GAL3ST3: variants seen among roughly 807,000 people sequenced by gnomAD.
The protein encoded by GAL3ST3 is galactose-3-O-sulfotransferase 3, also known as beta-galactose-3-O-sulfotransferase 3.
Under a neutral mutation model 20.8 loss-of-function variants are expected in GAL3ST3, and 21 were observed. The observed-to-expected ratio is 1.01, with a 90% CI of 0.72 to 1.45. The LOEUF is 1.45. GAL3ST3 is among the 40% of genes most tolerant of loss of function. The probability of loss-of-function intolerance (pLI) is 0.00; values close to 1 mark genes in which losing one functional copy is unlikely to be tolerated. For missense variants in GAL3ST3, 739 were observed against 662.7 expected, an observed-to-expected ratio of 1.12 and a Z score of -1.26; for synonymous variants, 355 against 307.2, an observed-to-expected ratio of 1.16 and a Z score of -1.63.
rs1484204998 is a variant in GAL3ST3, at chr11:66,042,776, G to A, written c.1027C>T (p.Arg343Trp). ...TTGGTGCGGATCTGCGCGGCAGGCCGCAGCAGTGGCTCGTCCCCGAAGCAG... is the reference window on the plus strand; with the variant it reads ...TTGGTGCGGATCTGCGCGGCAGGCCACAGCAGTGGCTCGTCCCCGAAGCAG... Reference protein sequence around the residue: ...RRCFGDEPLLRPAAQIRTKQL... With the variant: ...RRCFGDEPLLWPAAQIRTKQL... The change falls in exon 3 of 3, where the codon CGG becomes TGG. Residue 343 changes from arginine (R) to tryptophan (W), a missense_variant. Coordinates refer to ENST00000312006, the MANE Select transcript of GAL3ST3 (RefSeq NM_033036.3). 2 of 1,505,688 alleles carry A rather than the reference G, an allele frequency of 1.3e-6. No homozygotes were observed. The highest frequency in any genetic ancestry group is 2.6e-5 in the East Asian group (1 of 38,778). The allele number at this position is 1,505,688 out of a possible 1,614,324, so 93.3% of individuals were successfully genotyped here.
rs752781596 is a variant in GAL3ST3 at position 66,043,130 on chromosome 11, C to G, written c.673G>C (p.Ala225Pro). ...TCCTCCACCTGGCGGATGAGGCCCG[C>G]CAGGTAGGCGGCGTCGTCGCGCGGG... ...RSPRDDAAYLAGLIRQVEEVF... is the reference protein window; with the variant it reads ...RSPRDDAAYLPGLIRQVEEVF... Residue 225 changes from alanine (A) to proline (P), a missense_variant, in exon 3 of 3, where the codon GCG becomes CCG. Ala to Pro is a conservative substitution (Grantham distance 27). Coordinates refer to ENST00000312006, the MANE Select transcript of GAL3ST3 (RefSeq NM_033036.3). The G allele has an allele frequency of 1.2e-6, 2 of 1,611,766 alleles. No homozygotes were observed. The highest frequency in any genetic ancestry group is 3.3e-5 in the Admixed American group (2 of 59,952).
chr11:66,045,591 T>C, intron 1 of GAL3ST3, 64 bp from the exon 2 acceptor site: 1 of 582,108 alleles, frequency 1.7e-6, no homozygotes, highest in Non-Finnish European at 2.7e-6. Flanking sequence ...CCCCAGCAGG[T>C]CTGATGCAAA....
rs1438912508 is a variant in GAL3ST3 at position 66,045,272 on chromosome 11, T to C, written c.125+19A>G. ...ATGGGGAGGGGAGCTCCGGCCCCCC[T>C]GGGGCCCCGCCCCCTTACCAGCTGA... On this transcript the variant is annotated intron_variant, in intron 2 of 2. Coordinates refer to ENST00000312006, the MANE Select transcript of GAL3ST3 (RefSeq NM_033036.3). The C allele has an allele frequency of 4.0e-6, 6 of 1,515,920 alleles. No homozygotes were observed. The highest frequency in any genetic ancestry group is 5.3e-6 in the Non-Finnish European group (6 of 1,130,414). 93.9% of individuals were successfully genotyped at this position (1,515,920 alleles called of 1,614,324 possible). A position where few individuals can be genotyped will look rare whatever the true frequency, so the allele number is the denominator to read the frequency against.
Position 66,043,077 on chromosome 11 carries a change from CTCGGCGA to C in GAL3ST3, c.719_725del (p.Ile240SerfsTer7). 1 of 1,611,888 alleles carries C rather than the reference CTCGGCGA, an allele frequency of 6.2e-7. No individual in the cohort carries two copies. The highest frequency in any genetic ancestry group is 8.5e-7 in the Non-Finnish European group (1 of 1,179,396). The stretch of plus-strand genomic sequence containing the variant: ...GCAGCACTAGCGACTCGTCGAAGTA[CTCGGCGA>C]TCATGACGAGCGAGAAAACCTCCTC... On this transcript the variant is annotated frameshift_variant, in exon 3 of 3. Coordinates refer to ENST00000312006, the MANE Select transcript of GAL3ST3 (RefSeq NM_033036.3). LOFTEE classifies it high-confidence loss of function.
rs1856712393 is a variant in GAL3ST3, at chr11:66,042,249, T to C, written c.*258A>G. Reference sequence around the variant, plus strand: ...CAGTTCTGGACAGCCCTCAGGCCTCTTGTCAAAATCACCAACCAGCTGGGA... The same window carrying C: ...CAGTTCTGGACAGCCCTCAGGCCTCCTGTCAAAATCACCAACCAGCTGGGA... On this transcript the variant is annotated 3_prime_UTR_variant, in exon 3 of 3. Transcript: ENST00000312006. The C allele has an allele frequency of 2.2e-6, 1 of 457,132 alleles. No homozygotes were observed. Among genetic ancestry groups the C allele is most frequent in the African/African-American group, 2.1e-5 (1 of 48,482 alleles). The allele number at this position is 457,132 out of a possible 1,614,324, so 28.3% of individuals were successfully genotyped here. A position where few individuals can be genotyped will look rare whatever the true frequency, so the allele number is the denominator to read the frequency against.
At chr11:66,044,323 G>C (rs757448385) in intron 2 of GAL3ST3, among the ~76,000 whole-genome samples, 27 of 152,178 alleles carry the variant, frequency 1.8e-4, no homozygotes, top group Non-Finnish European at 3.7e-4. Flanking sequence ...TGTGTTTTCA[G>C]CTGCTAAGCT....
Position 66,042,593 on chromosome 11 carries a change from C to T in GAL3ST3, c.1210G>A (p.Gly404Ser), listed in dbSNP as rs756451940. The T allele has an allele frequency of 2.2e-4, 339 of 1,535,834 alleles. No individual in the cohort carries two copies. The highest frequency in any genetic ancestry group is 2.7e-4 in the Non-Finnish European group (308 of 1,147,142). ...YLLRKQKRRGGARARPEPVLD... is the reference protein window; with the variant it reads ...YLLRKQKRRGSARARPEPVLD... ...ACGGGCTCGGGCCGAGCCCGCGCAC[C>T]GCCCCGGCGCTTCTGCTTGCGCAAC... The change falls in exon 3 of 3, where the codon GGT becomes AGT. Residue 404 changes from glycine (G) to serine (S), a missense_variant. By Grantham distance (56) the Gly-to-Ser change is moderately conservative. Transcript: ENST00000312006.
At position 66,043,009 on chromosome 11, in the gene GAL3ST3, G is replaced by T; in HGVS notation, c.794C>A (p.Ala265Asp). ...LAWDLDDVLY[A>D]KLNARAASSR... ...GCTGGCGGCGCGCGCGTTGAGCTTG[G>T]CGTAGAGCACGTCGTCCAGGTCCCA... Residue 265 changes from alanine to aspartate, a missense_variant, in exon 3 of 3, where the codon GCC becomes GAC. Physicochemically the swap from Ala to Asp is moderately radical, Grantham distance 126. Transcript: ENST00000312006. 1.9e-6 allele frequency: 3 copies of T among 1,607,896 alleles called. No individual in the cohort carries two copies. The South Asian group carries it at 3.3e-5, about 18-fold the overall frequency.
rs755372065 is a variant in GAL3ST3, at chr11:66,043,436, G to A, written c.367C>T (p.Pro123Ser). ...CGCAGGTGGCTGGCCAGCACGTGCGGCGGCCGCGTGGCCGGGTGCACGAAG... is the reference window on the plus strand; with the variant it reads ...CGCAGGTGGCTGGCCAGCACGTGCGACGGCCGCGTGGCCGGGTGCACGAAG... ...AHFVHPATRP[P>S]HVLASHLRFD... Residue 123 changes from proline to serine, a missense_variant, in exon 3 of 3, where the codon CCG becomes TCG. Physicochemically the swap from Pro to Ser is moderately conservative, Grantham distance 74 (BLOSUM62 -1). Transcript: ENST00000312006. 6.2e-7 allele frequency: 1 copy of A among 1,608,974 alleles called. No homozygotes were observed. Among genetic ancestry groups the A allele is most frequent in the South Asian group, 1.1e-5 (1 of 90,798 alleles).
chr11:66,045,553 G>A, intron 1 of GAL3ST3, 26 bp from the exon 2 acceptor site: 1 of 931,150 alleles, frequency 1.1e-6, no homozygotes, highest in Non-Finnish European at 1.5e-6. Flanking sequence ...AGACGGGTTT[G>A]CAGTGGGCAG....
At chr11:66,043,807 GGGC>G in intron 2 of GAL3ST3, 130 bp from the exon 3 acceptor site, 1 of 782,864 alleles carries the variant, frequency 1.3e-6, no homozygotes, top group East Asian at 2.7e-5. Flanking sequence ...GAAAGGTCGA[GGGC>G]GGTGCTTGGT....
Position 66,043,466 on chromosome 11 carries a change from C to CG in GAL3ST3, c.336_337insC (p.Ala113ArgfsTer102). The CG allele has an allele frequency of 6.2e-7, 1 of 1,610,030 alleles. No individual in the cohort carries two copies. Among genetic ancestry groups the CG allele is most frequent in the East Asian group, 2.2e-5 (1 of 44,786 alleles). On this transcript the variant is annotated frameshift_variant, in exon 3 of 3. Transcript: ENST00000312006. LOFTEE classifies it high-confidence loss of function. ...CGCGTGGCCGGGTGCACGAAGTGCGCCGAGAAGTTGCGGGGGTAGCAGAAC... is the reference window on the plus strand; with the variant it reads ...CGCGTGGCCGGGTGCACGAAGTGCGCGCGAGAAGTTGCGGGGGTAGCAGAAC...
At chr11:66,047,008 C>T (rs957760934) in intron 1 of GAL3ST3, among the ~76,000 whole-genome samples, 10 of 152,208 alleles carry the variant, frequency 6.6e-5, no homozygotes, top group African/African-American at 2.4e-4. Context: ...GCCTCCCCTT[C>T]TCTCTAGGCC....
chr11:66,042,774 C>T lies in GAL3ST3; in HGVS notation c.1029G>A (p.Arg343=), dbSNP rs1200341215. 1 of 1,508,412 alleles carries T rather than the reference C, an allele frequency of 6.6e-7. No homozygotes were observed. Among genetic ancestry groups the T allele is most frequent in the Non-Finnish European group, 8.8e-7 (1 of 1,136,808 alleles). The allele number at this position is 1,508,412 out of a possible 1,614,324, so 93.4% of individuals were successfully genotyped here. Residue 343 remains arginine (R), a synonymous_variant, in exon 3 of 3, where the codon CGG becomes CGA. Transcript: ENST00000312006. ...RRCFGDEPLL[R]PAAQIRTKQL... ...GCTTGGTGCGGATCTGCGCGGCAGG[C>T]CGCAGCAGTGGCTCGTCCCCGAAGC...
intron 2 of GAL3ST3, 68 bp downstream of exon 2, chr11:66,045,223 A>T (rs1450629202): frequency 1.5e-6 from 2 of 1,359,974 alleles, no homozygotes; most frequent in Non-Finnish European, 2.0e-6. Context: ...AAAGCCTAGC[A>T]GGACCCTTCT....
In GAL3ST3 at chr11:66,043,492, T is replaced by A. The variant is rs1399499288; in HGVS notation, c.311A>T (p.Gln104Leu). The part of the protein sequence containing the change: ...VALPHPSCEH[Q>L]FCYPRNFSAH... ...CGAGAAGTTGCGGGGGTAGCAGAAC[T>A]GGTGCTCGCAGCTCGGGTGCGGCAG... The change falls in exon 3 of 3, where the codon CAG (glutamine) becomes CTG (leucine). Residue 104 changes from glutamine to leucine, a missense_variant. Coordinates refer to ENST00000312006, the MANE Select transcript of GAL3ST3 (RefSeq NM_033036.3). The A allele has an allele frequency of 1.2e-6, 2 of 1,610,436 alleles. No homozygotes were observed. Among genetic ancestry groups the A allele is most frequent in the Non-Finnish European group, 1.7e-6 (2 of 1,179,238 alleles).
rs1379348074 is a variant in GAL3ST3, at chr11:66,042,785, G to A, written c.1018C>T (p.Pro340Ser). ...RLLRRCFGDE[P>S]LLRPAAQIRT... Reference sequence around the variant, plus strand: ...ATCTGCGCGGCAGGCCGCAGCAGTGGCTCGTCCCCGAAGCAGCGCCGCAGT... The same window carrying A: ...ATCTGCGCGGCAGGCCGCAGCAGTGACTCGTCCCCGAAGCAGCGCCGCAGT... The change falls in exon 3 of 3, where the codon CCA becomes TCA. Residue 340 changes from proline to serine, a missense_variant. Transcript: ENST00000312006. The A allele has an allele frequency of 8.0e-6, 12 of 1,491,938 alleles. No individual in the cohort carries two copies. In the African/African-American group the frequency reaches 1.6e-4, roughly 20 times the overall value. The allele number at this position is 1,491,938 out of a possible 1,614,324, so 92.4% of individuals were successfully genotyped here. A position where few individuals can be genotyped will look rare whatever the true frequency, so the allele number is the denominator to read the frequency against.
At chr11:66,047,185 T>C (rs1404458259) in intron 1 of GAL3ST3, among the ~76,000 whole-genome samples, 2 of 152,164 alleles carry the variant, frequency 1.3e-5, no homozygotes, top group African/African-American at 4.8e-5. Context: ...CTGGCCTGGC[T>C]GGGGCTGCTT....
Position 66,042,334 on chromosome 11 carries a change from C to T in GAL3ST3, c.*173G>A. On this transcript the variant is annotated 3_prime_UTR_variant, in exon 3 of 3. Transcript: ENST00000312006. ...CAGCGCCGTGCCCGAAGGCAAGGTT[C>T]AGCCCACGATCGGGAGCGGGGGCTC... The T allele has an allele frequency of 1.8e-6, 1 of 563,356 alleles. No homozygotes were observed. The highest frequency in any genetic ancestry group is 2.6e-5 in the South Asian group (1 of 38,996). The allele number at this position is 563,356 out of a possible 1,614,324, so 34.9% of individuals were successfully genotyped here.
Sources: allele counts gnomAD v4.1 joint callset (sites outside exome capture counted in the v4.1 genomes callset), GRCh38; gene constraint gnomAD v4.1.1; transcripts MANE v1.5; gene names NCBI Gene and HGNC (gene_info 2026-07-23, HGNC 2026-07-21).